Variants in LEPR observed in about 807,000 individuals in gnomAD.
LEPR encodes the protein leptin receptor, also known as OB receptor.
In LEPR, 56 loss-of-function variants were observed where a neutral mutation model predicts 114.7. The ratio of observed to expected loss-of-function variants is 0.49; its 90% CI spans 0.39 to 0.61. The LOEUF (loss-of-function observed/expected upper bound fraction) is 0.61, where lower values mean the gene tolerates loss of function less well. LEPR is among the 20% of genes least tolerant of loss of function. The pLI, the probability that LEPR is intolerant of heterozygous loss-of-function variation, is 0.00. For missense variants in LEPR, 1,202 were observed against 1,352.9 expected (o/e 0.89, Z 1.75); for synonymous variants, 443 against 461.4 (o/e 0.96, Z 0.51).
At chr1:65,499,248 A>G (rs1648318497) in intron 2 of LEPR, among the ~76,000 whole-genome samples, 1 of 152,160 alleles carries the variant, frequency 6.6e-6, no homozygotes, top group Non-Finnish European at 1.5e-5. Flanking sequence ...ATAGATGGCA[A>G]ACTAATTGTA....
At chr1:65,468,856 A>G (rs565706132) in intron 2 of LEPR, among the ~76,000 whole-genome samples, 20 of 152,226 alleles carry the variant, frequency 1.3e-4, no homozygotes, top group Non-Finnish European at 2.5e-4. Context: ...GGTATAAGAA[A>G]TAAGAAAGTG....
chr1:65,499,758 T>C (rs1282406469), intron 2 of LEPR, among the ~76,000 whole-genome samples: 1 of 152,192 alleles, frequency 6.6e-6, no homozygotes, highest in East Asian at 1.9e-4. Flanking sequence ...GTATTCCTTG[T>C]CTACAGCTCA....
intron 2 of LEPR, among the ~76,000 whole-genome samples, chr1:65,492,790 C>T (rs957543655): frequency 6.7e-6 from 1 of 149,664 alleles, no homozygotes; most frequent in Non-Finnish European, 1.5e-5. Flanking sequence ...TCCTCTCCAT[C>T]TCATATGTTA....
chr1:65,458,455 T>G (rs1646905503), intron 2 of LEPR, among the ~76,000 whole-genome samples: 2 of 152,244 alleles, frequency 1.3e-5, no homozygotes, highest in Admixed American at 1.3e-4. Context: ...GAATTCTAAA[T>G]TGGTGATTTA....
At chr1:65,488,337 T>TC (rs1491524494) in intron 2 of LEPR, among the ~76,000 whole-genome samples, 1 of 118,730 alleles carries the variant, frequency 8.4e-6, no homozygotes. Context: ...TTCTTCTTCT[T>TC]CTTTTTTTTA....
chr1:65,500,422 T>G (rs1485547338), intron 2 of LEPR, among the ~76,000 whole-genome samples: 1 of 152,174 alleles, frequency 6.6e-6, no homozygotes, highest in South Asian at 2.1e-4. Context: ...AACATGAGTT[T>G]GAACAGTGCA....
intron 5 of LEPR, among the ~76,000 whole-genome samples, chr1:65,588,595 C>T (rs1655477301): frequency 6.6e-6 from 1 of 152,004 alleles, no homozygotes; most frequent in Non-Finnish European, 1.5e-5. Context: ...CTTCCTCCTC[C>T]CACCCCACCT....
Position 65,638,917 on chromosome 1 carries a change from C to T in LEPR, c.*1902C>T, listed in dbSNP as rs953387921. On this transcript the variant is annotated 3_prime_UTR_variant, in exon 20 of 20. Transcript: ENST00000349533. ...AGACACAGAAACAGATAAATTATTA[C>T]ATGTATAAAAATTTTAGTAAAATTG... 6.6e-6 allele frequency: 1 copy of T among 151,904 alleles called. No homozygotes were observed. Among genetic ancestry groups the T allele is most frequent in the Non-Finnish European group, 1.5e-5 (1 of 67,964 alleles). 9.4% of individuals were successfully genotyped at this position (151,904 alleles called of 1,614,324 possible).
intron 2 of LEPR, among the ~76,000 whole-genome samples, chr1:65,527,463 TGTC>T (rs1650052618): frequency 6.6e-6 from 1 of 152,180 alleles, no homozygotes; most frequent in African/African-American, 2.4e-5. Flanking sequence ...TAGAAGAAAA[TGTC>T]GGGTTGTTTT....
At chr1:65,579,690 G>GAATGCT (rs1334361848) in intron 5 of LEPR, among the ~76,000 whole-genome samples, 6 of 152,312 alleles carry the variant, frequency 3.9e-5, no homozygotes, top group African/African-American at 1.4e-4. Flanking sequence ...GATCTTATCA[G>GAATGCT]CAGGTTAAGG....
Position 65,500,044 on chromosome 1 carries a change from A to T in LEPR, c.-20-65502A>T, listed in dbSNP as rs115957091. 6.1e-3 allele frequency among the ~76,000 whole-genome samples: 930 copies of T among 152,176 alleles called. 10 individuals carry two copies. The highest frequency in any genetic ancestry group is 0.021 in the African/African-American group (889 of 41,530). On this transcript the variant is annotated intron_variant, in intron 2 of 19. Transcript: ENST00000349533. ...CCTGCATGCTGCTCTCATAATAGTG[A>T]ATGAGTTCTCATGAGATCTGATGGC...
chr1:65,565,628 G>T (rs772312846), intron 3 of LEPR, 23 bp downstream of exon 3: 2 of 1,613,538 alleles, frequency 1.2e-6, no homozygotes, highest in African/African-American at 2.7e-5. Context: ...CTCATTTGCT[G>T]TTTTAATGCC....
chr1:65,483,286 A>G (rs1312367706), intron 2 of LEPR, among the ~76,000 whole-genome samples: 2 of 151,668 alleles, frequency 1.3e-5, no homozygotes, highest in African/African-American at 4.8e-5. Flanking sequence ...AGACAATACC[A>G]TGGACATGTT....
At chr1:65,544,454 C>G (rs1375631390) in intron 2 of LEPR, among the ~76,000 whole-genome samples, 1 of 151,938 alleles carries the variant, frequency 6.6e-6, no homozygotes, top group Non-Finnish European at 1.5e-5. Context: ...GCCTGATTTC[C>G]CTGGCTAGAA....
chr1:65,429,677 A>C (rs1365316125), intron 2 of LEPR, among the ~76,000 whole-genome samples: 1 of 152,196 alleles, frequency 6.6e-6, no homozygotes, highest in Non-Finnish European at 1.5e-5. Context: ...CCTACATAGT[A>C]ATTTTAAAAT....
intron 2 of LEPR, among the ~76,000 whole-genome samples, chr1:65,543,553 C>A (rs1293475087): frequency 6.6e-6 from 1 of 151,896 alleles, no homozygotes; most frequent in Non-Finnish European, 1.5e-5. Flanking sequence ...CATGCCTATG[C>A]CCTGAATGGT....
chr1:65,454,643 G>A lies in LEPR; in HGVS notation c.-21+29265G>A, dbSNP rs533422407. On this transcript the variant is annotated intron_variant, in intron 2 of 19. Coordinates refer to ENST00000349533, the MANE Select transcript of LEPR (RefSeq NM_002303.6). ...TCTTCTGGCTTGTAGGGTTTCTGCCGAGAGATCCACTGTTAGTCTGATGGG... is the reference window on the plus strand; with the variant it reads ...TCTTCTGGCTTGTAGGGTTTCTGCCAAGAGATCCACTGTTAGTCTGATGGG... Among the ~76,000 whole-genome samples, 774 of 152,228 alleles carry A rather than the reference G, an allele frequency of 5.1e-3. 8 individuals are homozygous for A. The highest frequency in any genetic ancestry group is 0.018 in the African/African-American group (735 of 41,542).
chr1:65,535,590 A>T (rs1650712960), intron 2 of LEPR, among the ~76,000 whole-genome samples: 1 of 151,896 alleles, frequency 6.6e-6, no homozygotes, highest in African/African-American at 2.4e-5. Context: ...AACTCAAGTG[A>T]TCCTCCCGCT....
intron 2 of LEPR, among the ~76,000 whole-genome samples, chr1:65,467,519 C>T (rs1647029962): frequency 1.3e-5 from 2 of 152,178 alleles, no homozygotes; most frequent in African/African-American, 2.4e-5. Flanking sequence ...GCAGTCTGTC[C>T]ATTCTCAGAG....
Sources: gnomAD v4.1 joint callset for allele counts (sites outside exome capture counted in the v4.1 genomes callset) on GRCh38, gnomAD v4.1.1 for gene constraint, MANE v1.5 for transcripts, NCBI Gene and HGNC (gene_info 2026-07-23, HGNC 2026-07-21) for gene names.